DRD3: variants seen among roughly 807,000 people sequenced by gnomAD.
The protein encoded by DRD3 is dopamine receptor D3, also known as D(3) dopamine receptor.
In DRD3, 19 loss-of-function variants were observed where a neutral mutation model predicts 36.3. That is an observed-to-expected ratio of 0.52 (90% CI 0.36 to 0.77). The LOEUF (loss-of-function observed/expected upper bound fraction) is 0.77. DRD3 is among the 30% of genes least tolerant of loss of function. The pLI is 0.00. For missense variants in DRD3, 465 were observed against 505.3 expected (o/e 0.92, Z 0.77); for synonymous variants, 195 against 203.7 (o/e 0.96, Z 0.36).
chr3:114,182,407 C>A (rs193138219), upstream of DRD3, among the ~76,000 whole-genome samples: 183 of 152,268 alleles, frequency 1.2e-3, no homozygotes, highest in African/African-American at 4.3e-3. Context: ...GCTTCTCAAT[C>A]AATCAGATTT....
intron 3 of DRD3, among the ~76,000 whole-genome samples, chr3:114,156,469 GT>G (rs146935421): frequency 6.9e-6 from 1 of 144,934 alleles, no homozygotes; most frequent in Admixed American, 6.9e-5. Flanking sequence ...ACCTTTTGCC[GT>G]TTTTTTTTTC....
intron 1 of DRD3, among the ~76,000 whole-genome samples, chr3:114,198,890 C>A (rs1483627263): frequency 6.6e-6 from 1 of 152,042 alleles, no homozygotes; most frequent in African/African-American, 2.4e-5. Flanking sequence ...CAGGTGCATA[C>A]CACAATGCCA....
chr3:114,128,619 C>CAGTA lies in DRD3; in HGVS notation c.*96_*97insTACT. On this transcript the variant is annotated 3_prime_UTR_variant, in exon 7 of 7. Coordinates refer to ENST00000383673, the MANE Select transcript of DRD3 (RefSeq NM_000796.6). The stretch of plus-strand genomic sequence containing the variant: ...ACATCCTGGCTCCAGGAATCTTCTT[C>CAGTA]CTACTGCATGCCGGAGGACACTGCA... 1 of 1,252,056 alleles carries CAGTA rather than the reference C, an allele frequency of 8.0e-7. No individual in the cohort carries two copies. Among genetic ancestry groups the CAGTA allele is most frequent in the Non-Finnish European group, 1.1e-6 (1 of 931,738 alleles). 77.6% of individuals were successfully genotyped at this position (1,252,056 alleles called of 1,614,324 possible).
chr3:114,129,703 G>C (rs2077409827), intron 6 of DRD3, among the ~76,000 whole-genome samples: 2 of 152,174 alleles, frequency 1.3e-5, no homozygotes, highest in Non-Finnish European at 2.9e-5. Flanking sequence ...TGAACAGGAT[G>C]AACTGCCTTC....
upstream of DRD3, among the ~76,000 whole-genome samples, chr3:114,181,447 A>G (rs2077947219): frequency 6.6e-6 from 1 of 152,254 alleles, no homozygotes; most frequent in Non-Finnish European, 1.5e-5. Flanking sequence ...CTTCCCATTC[A>G]TACAACAACA....
chr3:114,176,138 G>C (rs1484788567), intron 1 of DRD3: 1 of 152,090 alleles, frequency 6.6e-6, no homozygotes, highest in African/African-American at 2.4e-5. Flanking sequence ...ACATTCGTGG[G>C]GTTCCTCCTT....
At chr3:114,157,723 A>G (rs2077695397) in intron 3 of DRD3, among the ~76,000 whole-genome samples, 1 of 152,224 alleles carries the variant, frequency 6.6e-6, no homozygotes, top group African/African-American at 2.4e-5. Flanking sequence ...TTTTATTTAT[A>G]TCACTTGGTT....
intron 1 of DRD3, among the ~76,000 whole-genome samples, chr3:114,188,695 G>A (rs763056455): frequency 6.6e-6 from 1 of 152,144 alleles, no homozygotes; most frequent in Non-Finnish European, 1.5e-5. Context: ...TTCTCTTTAC[G>A]TTTCATTTGC....
chr3:114,188,514 A>G (rs1401086101), intron 1 of DRD3, among the ~76,000 whole-genome samples: 2 of 152,130 alleles, frequency 1.3e-5, no homozygotes, highest in African/African-American at 4.8e-5. Context: ...ACCCAGCCCC[A>G]TTTCAACACT....
intron 4 of DRD3, among the ~76,000 whole-genome samples, chr3:114,147,118 T>A (rs977960176): frequency 2.0e-5 from 3 of 152,192 alleles, no homozygotes; most frequent in Non-Finnish European, 4.4e-5. Flanking sequence ...TTGGTTTTTT[T>A]AACTGGTACA....
At chr3:114,181,761 T>G (rs116213252), upstream of DRD3, among the ~76,000 whole-genome samples, 1 of 152,144 alleles carries the variant, frequency 6.6e-6, no homozygotes, top group African/African-American at 2.4e-5. Context: ...TACTCAGTGA[T>G]TTTGTTTGAA....
In DRD3 at chr3:114,131,098, T is replaced by C. The variant is rs1201580203; in HGVS notation, c.1006+20A>G. 6.2e-7 allele frequency: 1 copy of C among 1,609,034 alleles called. No homozygotes were observed. The highest frequency in any genetic ancestry group is 8.5e-7 in the Non-Finnish European group (1 of 1,176,460). On this transcript the variant is annotated intron_variant, in intron 6 of 6. Coordinates refer to ENST00000383673, the MANE Select transcript of DRD3 (RefSeq NM_000796.6). The stretch of plus-strand genomic sequence containing the variant: ...ACAACCTAACCCAACCCAACACAGC[T>C]CAAGCCAACCCAAACTTACCAAGCA...
rs769792721 is a variant in DRD3, at chr3:114,131,253, C to T, written c.871G>A (p.Ala291Thr). The T allele has an allele frequency of 8.1e-6, 13 of 1,614,230 alleles. No homozygotes were observed. In the Middle Eastern group the frequency reaches 4.9e-4, roughly 61 times the overall value. Reference protein sequence around the residue: ...KTRNSLSPTIAPKLSLEVRKL... With the variant: ...KTRNSLSPTITPKLSLEVRKL... ...CGAACTTCTAAGCTGAGCTTGGGCG[C>T]TATGGTGGGACTCAGGGAATTCCGA... Residue 291 changes from alanine (A) to threonine (T), a missense_variant, in exon 6 of 7, where the codon GCG (alanine) becomes ACG (threonine). Coordinates refer to ENST00000383673, the MANE Select transcript of DRD3 (RefSeq NM_000796.6).
chr3:114,168,616 C>T (rs2077809271), intron 2 of DRD3, among the ~76,000 whole-genome samples: 1 of 151,954 alleles, frequency 6.6e-6, no homozygotes, highest in Non-Finnish European at 1.5e-5. Flanking sequence ...TTTTTGAATA[C>T]TGCCATGGTG....
At chr3:114,150,835 CT>C (rs887327863) in intron 3 of DRD3, among the ~76,000 whole-genome samples, 1 of 152,212 alleles carries the variant, frequency 6.6e-6, no homozygotes, top group Admixed American at 6.5e-5. Flanking sequence ...TGCGCCAGCA[CT>C]GCCCGAATCT....
chr3:114,131,283 T>C lies in DRD3; in HGVS notation c.841A>G (p.Lys281Glu), dbSNP rs1553764210. The change falls in exon 6 of 7, where the codon AAG becomes GAG. Residue 281 changes from lysine to glutamate, a missense_variant. Coordinates refer to ENST00000383673, the MANE Select transcript of DRD3 (RefSeq NM_000796.6). ...ERGGELKREE[K>E]TRNSLSPTIA... ...GTGGGACTCAGGGAATTCCGAGTCT[T>C]CTCCTCTCTTTTCAACTCTCCTCCT... The C allele has an allele frequency of 1.2e-6, 2 of 1,614,226 alleles. No homozygotes were observed. Among genetic ancestry groups the C allele is most frequent in the Non-Finnish European group, 1.7e-6 (2 of 1,180,046 alleles).
rs1326268492 is a variant in DRD3 at position 114,127,596 on chromosome 3, A to G, written c.*1120T>C. On this transcript the variant is annotated 3_prime_UTR_variant, in exon 7 of 7. Coordinates refer to ENST00000383673, the MANE Select transcript of DRD3 (RefSeq NM_000796.6). ...TATAGTAAATACATAAACCAGTAAC[A>G]TAGTCATTTATTATCAATATTAAGT... Among the ~76,000 whole-genome samples, 3 of 152,254 alleles carry G rather than the reference A, an allele frequency of 2.0e-5. No individual in the cohort carries two copies. The highest frequency in any genetic ancestry group is 4.4e-5 in the Non-Finnish European group (3 of 68,046).
intron 2 of DRD3, among the ~76,000 whole-genome samples, chr3:114,166,571 C>A (rs2077787177): frequency 6.6e-6 from 1 of 152,202 alleles, no homozygotes; most frequent in African/African-American, 2.4e-5. Context: ...CAGATGGAGG[C>A]CTCTTGATCT....
chr3:114,185,702 G>A (rs1036886012), intron 1 of DRD3, among the ~76,000 whole-genome samples: 31 of 151,872 alleles, frequency 2.0e-4, no homozygotes, highest in African/African-American at 7.5e-4. Context: ...TTAAGAGATG[G>A]GCTTGGTCTG....
Sources: allele counts gnomAD v4.1 joint callset (sites outside exome capture counted in the v4.1 genomes callset), GRCh38; gene constraint gnomAD v4.1.1; transcripts MANE v1.5; gene names NCBI Gene and HGNC (gene_info 2026-07-23, HGNC 2026-07-21).